The following ERGIC1 variants were observed in gnomAD, a reference collection of about 807,000 sequenced individuals.
ERGIC1 encodes the protein endoplasmic reticulum-golgi intermediate compartment 1, also known as endoplasmic reticulum-Golgi intermediate compartment protein 1.
In ERGIC1, 19 loss-of-function variants were observed where a neutral mutation model predicts 38.3. The observed-to-expected ratio is 0.50, with a 90% confidence interval of 0.35 to 0.73. ERGIC1 has a LOEUF of 0.73. ERGIC1 is among the 30% of genes least tolerant of loss of function. The pLI, the probability that ERGIC1 is intolerant of heterozygous loss-of-function variation, is 0.01. For missense variants in ERGIC1, 294 were observed against 389.2 expected, an observed-to-expected ratio of 0.76 and a Z score of 2.06; for synonymous variants, 124 against 157.6, an observed-to-expected ratio of 0.79 and a Z score of 1.60.
rs1763863715 is a variant in ERGIC1 at position 172,935,251 on chromosome 5, A to G, written c.706A>G (p.Ser236Gly). 2.5e-6 allele frequency: 4 copies of G among 1,614,058 alleles called. No homozygotes were observed. Among genetic ancestry groups the G allele is most frequent in the Admixed American group, 1.7e-5 (1 of 60,008 alleles). Residue 236 changes from serine to glycine, a missense_variant, in exon 9 of 10, where the codon AGC becomes GGC. This residue lies in a region of ERGIC1 where 109 missense variants were observed against 112.7 expected (regional missense o/e 0.97). Coordinates refer to ENST00000393784, the MANE Select transcript of ERGIC1 (RefSeq NM_001031711.3). ...IPAIWFRYDL[S>G]PITVKYTERR... ...TGCAATCTGGTTCCGCTACGACCTC[A>G]GCCCCATCACGGTCAAGTACACAGA...
intron 3 of ERGIC1, among the ~76,000 whole-genome samples, chr5:172,908,909 A>G (rs4365855): frequency 0.67 from 101,485 of 152,044 alleles, 34,413 homozygotes; most frequent in Non-Finnish European, 0.74. Flanking sequence ...GGGGACCTCA[A>G]GAGAGGAGGC....
At chr5:172,850,547 G>A (rs1761378908) in intron 1 of ERGIC1, among the ~76,000 whole-genome samples, 1 of 152,134 alleles carries the variant, frequency 6.6e-6, no homozygotes, top group African/African-American at 2.4e-5. Flanking sequence ...TTGGAGTCTG[G>A]TGGACCTGGG....
At chr5:172,950,093 A>G (rs1296902081) in intron 9 of ERGIC1, among the ~76,000 whole-genome samples, 1 of 152,200 alleles carries the variant, frequency 6.6e-6, no homozygotes, top group African/African-American at 2.4e-5. Context: ...TTGCTCTAAT[A>G]GAAGCTTTCT....
rs149132498 is a variant in ERGIC1 at position 172,914,548 on chromosome 5, T to C, written c.251-166T>C. 1.8e-3 allele frequency: 2,088 copies of C among 1,138,466 alleles called. 24 individuals carry two copies. In the African/African-American group the frequency reaches 0.028, roughly 15 times the overall value. The allele number at this position is 1,138,466 out of a possible 1,614,324, so 70.5% of individuals were successfully genotyped here. A position where few individuals can be genotyped will look rare whatever the true frequency, so the allele number is the denominator to read the frequency against. On this transcript the variant is annotated intron_variant, in intron 4 of 9. Coordinates refer to ENST00000393784, the MANE Select transcript of ERGIC1 (RefSeq NM_001031711.3). ...CTCGCCTCACGTTTAGCGGAGTCATTGTCCTGTCCCCTGTAGTCTTTGGAC... is the reference window on the plus strand; with the variant it reads ...CTCGCCTCACGTTTAGCGGAGTCATCGTCCTGTCCCCTGTAGTCTTTGGAC...
intron 5 of ERGIC1, chr5:172,915,384 A>G (rs2113411842): frequency 4.7e-6 from 2 of 429,126 alleles, no homozygotes; most frequent in Non-Finnish European, 4.6e-6. Flanking sequence ...GAGACAGTCT[A>G]CAAACCAGAA....
At chr5:172,947,029 C>T (rs1764137186) in intron 9 of ERGIC1, among the ~76,000 whole-genome samples, 1 of 151,786 alleles carries the variant, frequency 6.6e-6, no homozygotes, top group South Asian at 2.1e-4. Context: ...ACTAAAAATA[C>T]AAAAATTAGC....
At chr5:172,902,676 G>A (rs1430770077) in intron 3 of ERGIC1, among the ~76,000 whole-genome samples, 1 of 152,106 alleles carries the variant, frequency 6.6e-6, no homozygotes, top group East Asian at 1.9e-4. Context: ...GTTGGTAATA[G>A]ATGCACATAC....
At chr5:172,943,987 T>C (rs1415139331) in intron 9 of ERGIC1, among the ~76,000 whole-genome samples, 1 of 152,152 alleles carries the variant, frequency 6.6e-6, no homozygotes, top group Non-Finnish European at 1.5e-5. Context: ...CTAGTCACAG[T>C]GGAAGGCCAA....
intron 2 of ERGIC1, among the ~76,000 whole-genome samples, chr5:172,890,188 C>T (rs1344829549): frequency 2.6e-5 from 4 of 152,142 alleles, no homozygotes; most frequent in Non-Finnish European, 5.9e-5. Flanking sequence ...TCCATGGGAT[C>T]GTACCAAAAA....
rs11956408 is a variant in ERGIC1, at chr5:172,928,451, C to T, written c.541+1882C>T. Among the ~76,000 whole-genome samples the T allele has an allele frequency of 8.3e-3, 1,264 of 152,290 alleles. 17 individuals are homozygous for T. The highest frequency in any genetic ancestry group is 0.028 in the African/African-American group (1,184 of 41,546). On this transcript the variant is annotated intron_variant, in intron 7 of 9. Coordinates refer to ENST00000393784, the MANE Select transcript of ERGIC1 (RefSeq NM_001031711.3). Reference sequence around the variant, plus strand: ...CTTGGCATTAAGGTCTCAGTTCAAACGCCACCGTCTCCAAGAAGCCCTCAC... The same window carrying T: ...CTTGGCATTAAGGTCTCAGTTCAAATGCCACCGTCTCCAAGAAGCCCTCAC...
chr5:172,873,551 C>A (rs764161250), intron 1 of ERGIC1, among the ~76,000 whole-genome samples: 10 of 152,188 alleles, frequency 6.6e-5, no homozygotes, highest in Non-Finnish European at 1.2e-4. Context: ...CAGCATGGGC[C>A]CTGCATGGCA....
intron 1 of ERGIC1, among the ~76,000 whole-genome samples, chr5:172,874,921 T>TAAA (rs541037638): frequency 2.0e-5 from 2 of 101,310 alleles, no homozygotes; most frequent in African/African-American, 7.3e-5. Flanking sequence ...AGACCCTGTC[T>TAAA]AAAAAAAAAA....
chr5:172,885,756 T>TG (rs1372111214), intron 1 of ERGIC1, among the ~76,000 whole-genome samples: 2 of 151,670 alleles, frequency 1.3e-5, no homozygotes, highest in African/African-American at 2.4e-5. Flanking sequence ...CCCTCCCCAC[T>TG]GGCCCAGGCT....
chr5:172,914,574 C>T (rs777020414), intron 4 of ERGIC1, 140 bp from the exon 5 acceptor site: 42 of 1,399,898 alleles, frequency 3.0e-5, no homozygotes, highest in Non-Finnish European at 4.2e-5. Flanking sequence ...GTCTTTGGAC[C>T]CCAGACCATG....
At chr5:172,913,348 A>G (rs1460822354) in intron 4 of ERGIC1, among the ~76,000 whole-genome samples, 1 of 152,240 alleles carries the variant, frequency 6.6e-6, no homozygotes, top group East Asian at 1.9e-4. Context: ...ACATCTGGAC[A>G]CACATTGTGG....
At position 172,912,683 on chromosome 5, in the gene ERGIC1, A is replaced by G. The variant is rs1234199490; in HGVS notation, c.251-2031A>G. Among the ~76,000 whole-genome samples, 4 of 152,298 alleles carry G rather than the reference A, an allele frequency of 2.6e-5. No individual in the cohort carries two copies. In the East Asian group the frequency reaches 7.7e-4, roughly 29 times the overall value. ...ATTACAGGCGTGAGCCACCGCGCCC[A>G]GCCAAGAAGGTGTGTTCTTATATAA... On this transcript the variant is annotated intron_variant, in intron 4 of 9. Coordinates refer to ENST00000393784, the MANE Select transcript of ERGIC1 (RefSeq NM_001031711.3).
intron 3 of ERGIC1, among the ~76,000 whole-genome samples, chr5:172,899,926 G>A (rs1039954388): frequency 1.3e-5 from 2 of 152,168 alleles, no homozygotes; most frequent in African/African-American, 2.4e-5. Flanking sequence ...ATATCTCTTC[G>A]TGCATTTATT....
chr5:172,879,325 G>A (rs796665486), intron 1 of ERGIC1, among the ~76,000 whole-genome samples: 1 of 152,332 alleles, frequency 6.6e-6, no homozygotes, highest in Non-Finnish European at 1.5e-5. Flanking sequence ...TCCTCACTCT[G>A]TAGGCAAGAT....
chr5:172,922,795 AGAG>A (rs1561738063), intron 5 of ERGIC1, among the ~76,000 whole-genome samples: 1 of 152,218 alleles, frequency 6.6e-6, no homozygotes, highest in East Asian at 1.9e-4. Flanking sequence ...GGTTCTGGGC[AGAG>A]GAGTGATGAG....
Sources: allele counts gnomAD v4.1 joint callset (sites outside exome capture counted in the v4.1 genomes callset), GRCh38; gene constraint gnomAD v4.1.1; regional missense constraint gnomAD v4.1.1; transcripts MANE v1.5; gene names NCBI Gene and HGNC (gene_info 2026-07-23, HGNC 2026-07-21).